GALNT13: variants seen among roughly 807,000 people sequenced by gnomAD.
GALNT13 encodes UDP-GalNAc:polypeptide N-acetylgalactosaminyltransferase 13.
A neutral mutation model predicts 64.2 loss-of-function variants in GALNT13; 28 were observed. The ratio of observed to expected loss-of-function variants is 0.44; its 90% CI spans 0.32 to 0.60. The LOEUF (loss-of-function observed/expected upper bound fraction) is 0.60, where lower values mean the gene tolerates loss of function less well. Among genes scored for constraint, GALNT13 ranks in the 20% least tolerant of loss-of-function variants. The probability of loss-of-function intolerance (pLI) is 0.05; values close to 1 mark genes in which losing one functional copy is unlikely to be tolerated. For missense variants in GALNT13, 577 were observed against 669.8 expected (o/e 0.86, Z 1.53); for synonymous variants, 214 against 224.6 (o/e 0.95, Z 0.42).
At chr2:153,369,000 A>G in the GALNT13 span, among the ~76,000 whole-genome samples, 1 of 152,148 alleles carries the variant, frequency 6.6e-6, no homozygotes, top group African/African-American at 2.4e-5. Flanking sequence ...GAATTAAAGT[A>G]GAATTAATAG....
At position 154,048,031 on chromosome 2, in the gene GALNT13, G is replaced by A. The variant is rs550503174; in HGVS notation, c.143-92306G>A. Among the ~76,000 whole-genome samples the A allele has an allele frequency of 6.6e-5, 10 of 152,324 alleles. No individual in the cohort carries two copies. The East Asian group carries it at 1.9e-3, about 29-fold the overall frequency. On this transcript the variant is annotated intron_variant, in intron 3 of 12. Coordinates refer to ENST00000392825, the MANE Select transcript of GALNT13 (RefSeq NM_052917.4). ...GGTTTAATTGGCTCATGATTCAGCA[G>A]GCTGTTCAGGGAGCATAGTAGCTTC...
the GALNT13 span, among the ~76,000 whole-genome samples, chr2:153,138,104 C>G: frequency 1.3e-5 from 2 of 152,062 alleles, no homozygotes; most frequent in Non-Finnish European, 2.9e-5. Flanking sequence ...GTACTTTTAT[C>G]ATCCCTATTT....
chr2:153,858,273 G>C, the GALNT13 span, among the ~76,000 whole-genome samples: 98 of 152,278 alleles, frequency 6.4e-4, 1 homozygote, highest in Middle Eastern at 0.017. Context: ...AACTAGCATG[G>C]AGGCCAGTGT....
chr2:154,247,149 C>T (rs1164456473), intron 7 of GALNT13, among the ~76,000 whole-genome samples: 1 of 151,956 alleles, frequency 6.6e-6, no homozygotes, highest in African/African-American at 2.4e-5. Flanking sequence ...AGATCTGTTA[C>T]ATCAAAGAGA....
At chr2:154,043,455 T>TATATATATATACACACAC (rs1341373277) in intron 3 of GALNT13, among the ~76,000 whole-genome samples, 1 of 105,018 alleles carries the variant, frequency 9.5e-6, no homozygotes, top group African/African-American at 4.0e-5. Flanking sequence ...TATATATATA[T>TATATATATATACACACAC]ACACACATGT....
At chr2:154,136,672 G>C (rs1271148423) in intron 3 of GALNT13, among the ~76,000 whole-genome samples, 2 of 151,958 alleles carry the variant, frequency 1.3e-5, no homozygotes, top group African/African-American at 2.4e-5. Flanking sequence ...GAAAATGAAA[G>C]GTATAAAATG....
chr2:153,653,897 C>T, the GALNT13 span, among the ~76,000 whole-genome samples: 1 of 152,014 alleles, frequency 6.6e-6, no homozygotes, highest in African/African-American at 2.4e-5. Flanking sequence ...TTTAACAACC[C>T]TTAACAAAAT....
the GALNT13 span, among the ~76,000 whole-genome samples, chr2:153,576,164 TCTC>T: frequency 6.6e-6 from 1 of 151,888 alleles, no homozygotes; most frequent in African/African-American, 2.4e-5. Flanking sequence ...TTTCCTCTCC[TCTC>T]CTCAAGTGGA....
At chr2:153,333,973 T>G in the GALNT13 span, among the ~76,000 whole-genome samples, 101 of 152,306 alleles carry the variant, frequency 6.6e-4, 1 homozygote, top group African/African-American at 2.3e-3. Flanking sequence ...AAACAGTCAT[T>G]TTAAAGGACT....
At chr2:153,310,483 C>T in the GALNT13 span, among the ~76,000 whole-genome samples, 11 of 152,108 alleles carry the variant, frequency 7.2e-5, no homozygotes, top group Non-Finnish European at 7.3e-5. Flanking sequence ...TCCTCCTCCT[C>T]CTTGGCCTAC....
At chr2:153,435,490 C>G in the GALNT13 span, among the ~76,000 whole-genome samples, 9 of 151,814 alleles carry the variant, frequency 5.9e-5, no homozygotes, top group Admixed American at 4.6e-4. Context: ...TTGTTTGTAT[C>G]CTCTTTTATT....
rs79745597 is a variant in GALNT13 at position 154,432,584 on chromosome 2, G to A, written c.1396-6008G>A. On this transcript the variant is annotated intron_variant, in intron 11 of 12. Coordinates refer to ENST00000392825, the MANE Select transcript of GALNT13 (RefSeq NM_052917.4). ...GAAGTCTGAAATCAAGGTGTCAGAA[G>A]TGCCATACTCCCTCTGAAACCTAAG... Among the ~76,000 whole-genome samples, 723 of 152,236 alleles carry A rather than the reference G, an allele frequency of 4.7e-3. 6 individuals carry two copies. Among genetic ancestry groups the A allele is most frequent in the African/African-American group, 0.017 (701 of 41,548 alleles).
At chr2:154,043,676 G>T (rs568629650) in intron 3 of GALNT13, among the ~76,000 whole-genome samples, 1 of 152,072 alleles carries the variant, frequency 6.6e-6, no homozygotes, top group Non-Finnish European at 1.5e-5. Flanking sequence ...TTCATTGAAT[G>T]TCTGACTTGC....
intron 2 of GALNT13, among the ~76,000 whole-genome samples, chr2:153,917,974 A>G (rs1006147622): frequency 1.3e-5 from 2 of 150,616 alleles, no homozygotes; most frequent in Admixed American, 6.6e-5. Context: ...TTGGATTTCT[A>G]CTTCCTTCTC....
At chr2:153,844,215 A>G in the GALNT13 span, among the ~76,000 whole-genome samples, 5 of 152,264 alleles carry the variant, frequency 3.3e-5, no homozygotes, top group Middle Eastern at 0.017. Flanking sequence ...CTGGACACCC[A>G]GACCTTTTCA....
chr2:153,834,063 A>C, the GALNT13 span, among the ~76,000 whole-genome samples: 1 of 152,082 alleles, frequency 6.6e-6, no homozygotes, highest in Non-Finnish European at 1.5e-5. Flanking sequence ...TATCATATTA[A>C]ATTGAAAAAG....
chr2:154,236,087 C>G (rs1387194561), intron 4 of GALNT13: 1 of 1,195,648 alleles, frequency 8.4e-7, no homozygotes, highest in Non-Finnish European at 1.1e-6. Flanking sequence ...ATCCAGATGA[C>G]AGAAGAGATT....
the GALNT13 span, among the ~76,000 whole-genome samples, chr2:153,208,417 C>T: frequency 6.6e-6 from 1 of 151,802 alleles, no homozygotes; most frequent in Non-Finnish European, 1.5e-5. Context: ...TTTTTGTTGC[C>T]TTTTGTGTTT....
At chr2:153,974,501 G>C (rs6749805) in intron 3 of GALNT13, among the ~76,000 whole-genome samples, 116,217 of 151,918 alleles carry the variant, frequency 0.76, 44,840 homozygotes, top group East Asian at 0.96. Context: ...AGTCACTTCT[G>C]TAGGTATTGG....
Sources: allele counts gnomAD v4.1 joint callset (sites outside exome capture counted in the v4.1 genomes callset), GRCh38; gene constraint gnomAD v4.1.1; transcripts MANE v1.5; gene names NCBI Gene and HGNC (gene_info 2026-07-23, HGNC 2026-07-21).